MAP4K4: variants seen among roughly 807,000 people sequenced by gnomAD.
The protein encoded by MAP4K4 is mitogen-activated protein kinase kinase kinase kinase 4.
Under a neutral mutation model 189.6 loss-of-function variants are expected in MAP4K4, and 38 were observed. That is an observed-to-expected ratio of 0.20 (90% CI 0.15 to 0.26). MAP4K4 has a LOEUF of 0.26. MAP4K4 is among the 10% of genes least tolerant of loss of function. The pLI, the probability that MAP4K4 is intolerant of heterozygous loss-of-function variation, is 1.00. For synonymous variants in MAP4K4, 610 were observed against 624.3 expected (o/e 0.98, Z 0.34); for missense variants, 1,054 against 1,726.9 (o/e 0.61, Z 6.91).
rs949605261 is a variant in MAP4K4, at chr2:101,859,776, C to T, written c.1616C>T (p.Pro539Leu). ...CCGCACCCGCAGCACTCGCAGCAGC[C>T]GCCACCACCGCAGCAGGAAAGGAGC... The change falls in exon 15 of 33, where the codon CCG (proline) becomes CTG (leucine). Residue 539 changes from proline to leucine, a missense_variant. Coordinates refer to ENST00000324219, the Ensembl canonical transcript of MAP4K4. 12 of 1,610,340 alleles carry T rather than the reference C, an allele frequency of 7.5e-6. No homozygotes were observed. Among genetic ancestry groups the T allele is most frequent in the South Asian group, 4.4e-5 (4 of 90,098 alleles).
chr2:101,753,261 AGATT>A (rs1359237856), intron 2 of MAP4K4, among the ~76,000 whole-genome samples: 2 of 152,198 alleles, frequency 1.3e-5, no homozygotes, highest in African/African-American at 4.8e-5. Flanking sequence ...ATGCCTCCCC[AGATT>A]TGCCTTTGAT....
Position 101,703,823 on chromosome 2 carries a change from C to T in MAP4K4, c.123+5285C>T, listed in dbSNP as rs372942230. Among the ~76,000 whole-genome samples, 15 of 151,886 alleles carry T rather than the reference C, an allele frequency of 9.9e-5. No homozygotes were observed. The East Asian group carries it at 2.9e-3, about 30-fold the overall frequency. The stretch of plus-strand genomic sequence containing the variant: ...AGTCAGGAGTTCAAGACCAGCCTGT[C>T]AACATGGTGAAACCCCATCTCTACT... On this transcript the variant is annotated intron_variant, in intron 2 of 32. Coordinates refer to ENST00000324219, the Ensembl canonical transcript of MAP4K4.
chr2:101,706,608 A>G (rs975717946), intron 2 of MAP4K4, among the ~76,000 whole-genome samples: 4 of 152,148 alleles, frequency 2.6e-5, no homozygotes, highest in African/African-American at 9.7e-5. Flanking sequence ...ATTTAACACC[A>G]CACGTCAGAT....
intron 27 of MAP4K4, among the ~76,000 whole-genome samples, chr2:101,882,187 A>C (rs1223219051): frequency 6.6e-6 from 1 of 152,202 alleles, no homozygotes; most frequent in African/African-American, 2.4e-5. Flanking sequence ...TGAATTCTAG[A>C]CATACTGATA....
chr2:101,748,794 A>C (rs1445863408), intron 2 of MAP4K4, among the ~76,000 whole-genome samples: 2 of 151,404 alleles, frequency 1.3e-5, no homozygotes, highest in African/African-American at 4.9e-5. Flanking sequence ...TTAAGCTGAT[A>C]AGCAACTTCA....
intron 2 of MAP4K4, among the ~76,000 whole-genome samples, chr2:101,705,868 A>G (rs536739590): frequency 1.1e-4 from 17 of 152,306 alleles, no homozygotes; most frequent in African/African-American, 4.1e-4. Context: ...CCCTTTGAAC[A>G]TTGGGGAGCT....
exon 18 of MAP4K4, chr2:101,864,933 C>T (rs923848043): frequency 7.1e-6 from 11 of 1,559,362 alleles, no homozygotes; most frequent in Non-Finnish European, 8.7e-6. Context: ...CTTAAAGGTT[C>T]CTGTGAGAAC....
At chr2:101,770,240 A>ATTTTTTTTTTTTTTTTTT (rs34574782) in intron 2 of MAP4K4, among the ~76,000 whole-genome samples, 1 of 75,158 alleles carries the variant, frequency 1.3e-5, no homozygotes, top group Non-Finnish European at 2.4e-5. Context: ...GTTCATTCTG[A>ATTTTTTTTTTTTTTTTTT]TTTTTTTTTT....
intron 3 of MAP4K4, among the ~76,000 whole-genome samples, chr2:101,812,616 C>CAA (rs397806451): frequency 8.9e-5 from 13 of 146,390 alleles, no homozygotes; most frequent in African/African-American, 3.2e-4. Context: ...TGATTAATAG[C>CAA]AAAAAAAAAA....
chr2:101,883,001 TTCTCC>T (rs1192600149), intron 28 of MAP4K4, among the ~76,000 whole-genome samples: 1 of 152,228 alleles, frequency 6.6e-6, no homozygotes, highest in Non-Finnish European at 1.5e-5. Flanking sequence ...GTCCACATTC[TTCTCC>T]TCTGTAAGAT....
intron 2 of MAP4K4, among the ~76,000 whole-genome samples, chr2:101,753,260 C>G (rs1436826646): frequency 6.6e-6 from 1 of 152,158 alleles, no homozygotes; most frequent in Non-Finnish European, 1.5e-5. Context: ...AATGCCTCCC[C>G]AGATTTGCCT....
At chr2:101,834,528 C>A in intron 8 of MAP4K4, 65 bp downstream of exon 8, 1 of 1,251,070 alleles carries the variant, frequency 8.0e-7, no homozygotes, top group Non-Finnish European at 1.1e-6. Flanking sequence ...CCCAAGACTT[C>A]AAAAAGAACA....
At chr2:101,762,164 T>C (rs2076771985) in intron 2 of MAP4K4, among the ~76,000 whole-genome samples, 1 of 152,232 alleles carries the variant, frequency 6.6e-6, no homozygotes, top group Non-Finnish European at 1.5e-5. Context: ...AGGTGGTGTT[T>C]CTGTGATCTT....
chr2:101,838,465 G>A (rs2096827862), intron 9 of MAP4K4, among the ~76,000 whole-genome samples: 1 of 152,088 alleles, frequency 6.6e-6, no homozygotes, highest in South Asian at 2.1e-4. Flanking sequence ...TTTAATACTA[G>A]CCTCAGAAAA....
In MAP4K4 at chr2:101,812,504, G is replaced by A. The variant is rs532397086; in HGVS notation, c.181-11424G>A. 3.8e-4 allele frequency among the ~76,000 whole-genome samples: 58 copies of A among 152,256 alleles called. 1 individual carries two copies. Among genetic ancestry groups the A allele is most frequent in the African/African-American group, 1.4e-3 (57 of 41,538 alleles). On this transcript the variant is annotated intron_variant, in intron 3 of 32. Coordinates refer to ENST00000324219, the Ensembl canonical transcript of MAP4K4. Reference sequence around the variant, plus strand: ...TGCAGATAGATGGAGTAAAGATTAAGGAACACAATGGCAAGTTAATGAACT... The same window carrying A: ...TGCAGATAGATGGAGTAAAGATTAAAGAACACAATGGCAAGTTAATGAACT...
At chr2:101,748,776 A>G (rs1204026085) in intron 2 of MAP4K4, among the ~76,000 whole-genome samples, 3 of 151,724 alleles carry the variant, frequency 2.0e-5, no homozygotes, top group Non-Finnish European at 4.4e-5. Context: ...TCTCAGCCCA[A>G]AATCTCCTTA....
chr2:101,829,407 T>A, intron 5 of MAP4K4, 97 bp from the exon 6 acceptor site: 1 of 750,704 alleles, frequency 1.3e-6, no homozygotes, highest in South Asian at 1.6e-5. Context: ...CACAAACACC[T>A]TTGGTCCACA....
At chr2:101,885,584 C>A (rs2098468808) in intron 29 of MAP4K4, among the ~76,000 whole-genome samples, 1 of 152,132 alleles carries the variant, frequency 6.6e-6, no homozygotes, top group Admixed American at 6.6e-5. Flanking sequence ...AAAAAGGTGA[C>A]CTTCACCTGA....
At chr2:101,718,283 G>A (rs917081621) in intron 2 of MAP4K4, among the ~76,000 whole-genome samples, 44 of 151,288 alleles carry the variant, frequency 2.9e-4, no homozygotes, top group African/African-American at 1.0e-3. Context: ...GCTATCTTGA[G>A]TACTGACATG....
Sources: allele counts gnomAD v4.1 joint callset (sites outside exome capture counted in the v4.1 genomes callset), GRCh38; gene constraint gnomAD v4.1.1; transcripts MANE v1.5; gene names NCBI Gene and HGNC (gene_info 2026-07-23, HGNC 2026-07-21).